RABGAP1L: variants seen among roughly 807,000 people sequenced by gnomAD.
RABGAP1L encodes the protein RAB GTPase activating protein 1 like, also known as rab GTPase-activating protein 1-like.
A neutral mutation model predicts 137.7 loss-of-function variants in RABGAP1L; 63 were observed. That is an observed-to-expected ratio of 0.46 (90% CI 0.37 to 0.56). The LOEUF (loss-of-function observed/expected upper bound fraction) is 0.56, where lower values mean the gene tolerates loss of function less well. RABGAP1L is among the 20% of genes least tolerant of loss of function. RABGAP1L has a pLI of 0.00. For missense variants in RABGAP1L, 1,095 were observed against 1,244.0 expected (o/e 0.88, Z 1.80); for synonymous variants, 431 against 433.7 (o/e 0.99, Z 0.08).
intron 13 of RABGAP1L, among the ~76,000 whole-genome samples, chr1:174,514,115 G>A (rs1427253385): frequency 6.6e-6 from 1 of 151,986 alleles, no homozygotes; most frequent in Admixed American, 6.6e-5. Context: ...TAAGCATATG[G>A]CTATTTAGGA....
At chr1:174,969,426 G>T (rs546066685) in intron 21 of RABGAP1L, 39 bp downstream of exon 21, 1 of 1,471,832 alleles carries the variant, frequency 6.8e-7, no homozygotes, top group Non-Finnish European at 9.3e-7. Flanking sequence ...CTTCCTCAGG[G>T]CAAAGACCGA....
At chr1:174,635,936 T>C (rs1297087145) in intron 13 of RABGAP1L, among the ~76,000 whole-genome samples, 1 of 152,204 alleles carries the variant, frequency 6.6e-6, no homozygotes, top group East Asian at 1.9e-4. Context: ...TATTAAACTT[T>C]TTTTCTTTCT....
At chr1:174,680,177 G>A (rs749795355) in intron 14 of RABGAP1L, among the ~76,000 whole-genome samples, 4 of 152,194 alleles carry the variant, frequency 2.6e-5, no homozygotes, top group Non-Finnish European at 4.4e-5. Flanking sequence ...TCTGACAGTG[G>A]ACTTGGCAAT....
At chr1:174,754,107 A>G (rs1030147801) in intron 18 of RABGAP1L, among the ~76,000 whole-genome samples, 2 of 152,224 alleles carry the variant, frequency 1.3e-5, no homozygotes, top group Non-Finnish European at 2.9e-5. Flanking sequence ...TACAGAGGAC[A>G]TACTCTGGCC....
intron 17 of RABGAP1L, among the ~76,000 whole-genome samples, chr1:174,742,865 C>G: frequency 6.6e-6 from 1 of 152,166 alleles, no homozygotes. Flanking sequence ...ATGTTCAGGT[C>G]ATACCTCCCT....
chr1:174,810,177 A>G (rs978565659), intron 18 of RABGAP1L, among the ~76,000 whole-genome samples: 1 of 152,208 alleles, frequency 6.6e-6, no homozygotes, highest in Non-Finnish European at 1.5e-5. Context: ...AGTAGATTTC[A>G]TTCATTTATT....
chr1:174,302,212 T>C (rs1364862236), intron 10 of RABGAP1L, among the ~76,000 whole-genome samples: 1 of 152,236 alleles, frequency 6.6e-6, no homozygotes, highest in African/African-American at 2.4e-5. Context: ...GAAGCCACTT[T>C]TGCTGCTTCA....
intron 2 of RABGAP1L, among the ~76,000 whole-genome samples, chr1:174,220,291 C>T (rs997019705): frequency 1.3e-5 from 2 of 152,042 alleles, no homozygotes; most frequent in South Asian, 2.1e-4. Context: ...ATAATAGACC[C>T]GATTTAAATT....
At chr1:174,327,016 C>G (rs1680491184) in intron 11 of RABGAP1L, among the ~76,000 whole-genome samples, 1 of 151,954 alleles carries the variant, frequency 6.6e-6, no homozygotes, top group African/African-American at 2.4e-5. Context: ...CAAACAAAAG[C>G]TGAGGGAATT....
chr1:174,903,664 T>A (rs1012014557), intron 19 of RABGAP1L, among the ~76,000 whole-genome samples: 1 of 78,742 alleles, frequency 1.3e-5, no homozygotes, highest in Non-Finnish European at 2.4e-5. Context: ...GATAAAAAAA[T>A]TTCATGGCTG....
intron 14 of RABGAP1L, among the ~76,000 whole-genome samples, chr1:174,649,044 A>G (rs577008036): frequency 1.5e-4 from 22 of 151,110 alleles, no homozygotes; most frequent in African/African-American, 4.6e-4. Flanking sequence ...TTTGCTTTCC[A>G]TTTGCTTGGT....
rs116832916 is a variant in RABGAP1L at position 174,725,327 on chromosome 1, A to G, written c.2169+23071A>G. Among the ~76,000 whole-genome samples, 158 of 152,352 alleles carry G rather than the reference A, an allele frequency of 1.0e-3. 1 individual carries two copies. The highest frequency in any genetic ancestry group is 3.6e-3 in the African/African-American group (151 of 41,584). On this transcript the variant is annotated intron_variant, in intron 17 of 25. Transcript: ENST00000681986. ...TGGTGGTGTGTCTCCCAAGAAAAAT[A>G]CCTGTCTAAGAAAATAGGAAACATC...
intron 17 of RABGAP1L, among the ~76,000 whole-genome samples, chr1:174,720,766 G>A (rs910997633): frequency 1.3e-5 from 2 of 152,146 alleles, no homozygotes; most frequent in East Asian, 3.9e-4. Flanking sequence ...AAGAGAGGAG[G>A]GATTGACGAG....
At chr1:174,298,836 G>T (rs922945521) in intron 10 of RABGAP1L, among the ~76,000 whole-genome samples, 1 of 152,186 alleles carries the variant, frequency 6.6e-6, no homozygotes, top group Non-Finnish European at 1.5e-5. Flanking sequence ...GGATTTGCAG[G>T]ATAATTGCTC....
rs973282527 is a variant in RABGAP1L, at chr1:174,993,264, A to T, written c.*3263A>T. ...TATCAGGAACACTAATAGGAATGCC[A>T]TTCAACCAGTGTCTTCTGCCCCTCT... On this transcript the variant is annotated 3_prime_UTR_variant, in exon 26 of 26. Coordinates refer to ENST00000681986, the MANE Select transcript of RABGAP1L (RefSeq NM_001366446.1). The T allele has an allele frequency of 3.3e-5, 5 of 152,246 alleles. No homozygotes were observed. The South Asian group carries it at 1.0e-3, about 32-fold the overall frequency. The allele number at this position is 152,246 out of a possible 1,614,324, so 9.4% of individuals were successfully genotyped here.
chr1:174,882,957 G>C (rs1654488248), intron 19 of RABGAP1L, among the ~76,000 whole-genome samples: 1 of 151,998 alleles, frequency 6.6e-6, no homozygotes, highest in Non-Finnish European at 1.5e-5. Context: ...TGAGTAACTG[G>C]GACTACAGGC....
At chr1:174,528,065 C>A (rs1331853540) in intron 13 of RABGAP1L, among the ~76,000 whole-genome samples, 1 of 151,862 alleles carries the variant, frequency 6.6e-6, no homozygotes, top group East Asian at 1.9e-4. Context: ...TTCTTGTAGA[C>A]AGCAAATAGT....
chr1:174,505,292 T>G (rs1050049510), intron 13 of RABGAP1L, among the ~76,000 whole-genome samples: 5 of 152,196 alleles, frequency 3.3e-5, no homozygotes, highest in Non-Finnish European at 7.3e-5. Flanking sequence ...ATTGTGATTT[T>G]TGGTAACAGC....
chr1:174,476,438 G>A (rs1558266473), intron 13 of RABGAP1L, among the ~76,000 whole-genome samples: 2 of 151,932 alleles, frequency 1.3e-5, no homozygotes, highest in African/African-American at 4.8e-5. Flanking sequence ...CCTAATTTAT[G>A]CAAAATTATC....
Sources: allele counts gnomAD v4.1 joint callset (sites outside exome capture counted in the v4.1 genomes callset), GRCh38; gene constraint gnomAD v4.1.1; transcripts MANE v1.5; gene names NCBI Gene and HGNC (gene_info 2026-07-23, HGNC 2026-07-21).